The following PTK7 variants were observed in gnomAD, a reference collection of about 807,000 sequenced individuals.
PTK7 encodes protein tyrosine kinase 7 (inactive), also known as inactive tyrosine-protein kinase 7.
Under a neutral mutation model 116.6 loss-of-function variants are expected in PTK7, and 39 were observed. That is an observed-to-expected ratio of 0.33 (90% CI 0.26 to 0.44). The LOEUF (loss-of-function observed/expected upper bound fraction) is 0.44. Ranked by LOEUF, PTK7 falls within the 20% of genes least tolerant of loss-of-function variation. The pLI is 1.00. For missense variants in PTK7, 1,169 were observed against 1,425.6 expected (o/e 0.82, Z 2.90); for synonymous variants, 546 against 563.6 (o/e 0.97, Z 0.44).
chr6:43,083,334 C>T (rs1221580908), intron 1 of PTK7, among the ~76,000 whole-genome samples: 3 of 152,238 alleles, frequency 2.0e-5, no homozygotes, highest in Non-Finnish European at 4.4e-5. Flanking sequence ...GAGCTGCCGC[C>T]TGCCCTTCTC....
chr6:43,155,692 GTATAA>G (rs1462682991), intron 17 of PTK7, among the ~76,000 whole-genome samples: 3 of 151,866 alleles, frequency 2.0e-5, no homozygotes, highest in South Asian at 2.1e-4. Flanking sequence ...CATATATAGT[GTATAA>G]TATAATATAT....
chr6:43,132,722 G>A, intron 7 of PTK7, 35 bp downstream of exon 7: 1 of 1,552,094 alleles, frequency 6.4e-7, no homozygotes, highest in Non-Finnish European at 8.7e-7. Context: ...AAGGAGAGGT[G>A]GAGGGGAACA....
intron 17 of PTK7, among the ~76,000 whole-genome samples, chr6:43,156,845 C>CGAG (rs1292606860): frequency 6.6e-6 from 1 of 151,644 alleles, no homozygotes; most frequent in East Asian, 1.9e-4. Context: ...TGCAGTGAGC[C>CGAG]GAGATCGCAC....
intron 1 of PTK7, among the ~76,000 whole-genome samples, chr6:43,094,452 G>A (rs1380071857): frequency 6.6e-6 from 1 of 151,624 alleles, no homozygotes; most frequent in Non-Finnish European, 1.5e-5. Flanking sequence ...CCTTTTGTAT[G>A]AATATCAAAA....
At chr6:43,126,668 G>C (rs1337786299) in intron 1 of PTK7, among the ~76,000 whole-genome samples, 1 of 152,214 alleles carries the variant, frequency 6.6e-6, no homozygotes, top group Non-Finnish European at 1.5e-5. Flanking sequence ...TCCTGGCTCT[G>C]CCACATATGA....
chr6:43,156,251 AAAAG>A (rs1434176151), intron 17 of PTK7, among the ~76,000 whole-genome samples: 3 of 149,538 alleles, frequency 2.0e-5, no homozygotes, highest in Admixed American at 6.7e-5. Context: ...AAAAAAAAAA[AAAAG>A]AATTAAAATA....
At chr6:43,136,104 C>T (rs1040200577) in intron 7 of PTK7, among the ~76,000 whole-genome samples, 4 of 151,810 alleles carry the variant, frequency 2.6e-5, no homozygotes, top group Admixed American at 6.6e-5. Context: ...TGCAGTGAGC[C>T]GAGATTGCGC....
At chr6:43,125,216 C>T (rs1769218261) in intron 1 of PTK7, among the ~76,000 whole-genome samples, 1 of 152,182 alleles carries the variant, frequency 6.6e-6, no homozygotes, top group South Asian at 2.1e-4. Context: ...AAGTCTGTCC[C>T]AGCCAAGCAC....
rs377632772 is a variant in PTK7, at chr6:43,141,639, C to T, written c.1619-29C>T. 1 of 1,609,292 alleles carries T rather than the reference C, an allele frequency of 6.2e-7. No individual in the cohort carries two copies. Among genetic ancestry groups the T allele is most frequent in the East Asian group, 2.2e-5 (1 of 44,782 alleles). ...AGCTGTCTGTGTAACCCTGATCCTT[C>T]CCATAATTTCCCTTTGTTACCCCTG... is the stretch of plus-strand genomic sequence containing the variant. On this transcript the variant is annotated intron_variant, in intron 10 of 19. Coordinates refer to ENST00000230419, the MANE Select transcript of PTK7 (RefSeq NM_002821.5). This position sits in a 1 kb window ranked among gnomAD's most constrained non-coding sequence, Gnocchi z 4.9.
Position 43,113,432 on chromosome 6 carries a change from CAA to C in PTK7, c.80-15535_80-15534del, listed in dbSNP as rs374911644. Among the ~76,000 whole-genome samples the C allele has an allele frequency of 2.8e-5, 4 of 144,032 alleles. No homozygotes were observed. In the East Asian group the frequency reaches 8.0e-4, roughly 29 times the overall value. 94.5% of individuals were successfully genotyped at this position (144,032 alleles called of 152,430 possible). A position where few individuals can be genotyped will look rare whatever the true frequency, so the allele number is the denominator to read the frequency against. On this transcript the variant is annotated intron_variant, in intron 1 of 19. Transcript: ENST00000230419. ...TGGGTGACAGAGCGGTACTCCATCT[CAA>C]AAAAAAAAAGTGTTTTCCTTTTCCC...
intron 7 of PTK7, 48 bp downstream of exon 7, chr6:43,132,735 G>C: frequency 6.4e-7 from 1 of 1,551,000 alleles, no homozygotes; most frequent in Non-Finnish European, 8.7e-7. Context: ...GGGGAACACA[G>C]GTCTGGGTGT....
At chr6:43,137,491 AG>A (rs1382928916) in intron 7 of PTK7, among the ~76,000 whole-genome samples, 30 of 152,232 alleles carry the variant, frequency 2.0e-4, no homozygotes, top group African/African-American at 7.2e-4. Context: ...GGGGGAAGTC[AG>A]GTGTTCTCTT....
At chr6:43,138,236 A>AGT (rs1770162972) in intron 7 of PTK7, among the ~76,000 whole-genome samples, 1 of 151,438 alleles carries the variant, frequency 6.6e-6, no homozygotes, top group Admixed American at 6.6e-5. Flanking sequence ...GCTAGAGTGC[A>AGT]GTGTCTTACA....
chr6:43,090,581 T>C (rs867139896), intron 1 of PTK7, among the ~76,000 whole-genome samples: 13 of 152,166 alleles, frequency 8.5e-5, no homozygotes, highest in African/African-American at 3.1e-4. Flanking sequence ...TAGCCAGGTC[T>C]CCAGTGGAGG....
intron 1 of PTK7, among the ~76,000 whole-genome samples, chr6:43,106,370 C>T (rs959897643): frequency 2.7e-5 from 4 of 149,964 alleles, no homozygotes; most frequent in Non-Finnish European, 5.9e-5. Context: ...TGCCCTGGCA[C>T]AATCACAGCT....
At chr6:43,140,068 C>T (rs1770299601) in intron 10 of PTK7, among the ~76,000 whole-genome samples, 2 of 151,608 alleles carry the variant, frequency 1.3e-5, no homozygotes, top group African/African-American at 4.8e-5. Flanking sequence ...GGGCCGAGAT[C>T]ATGCCATTGC....
chr6:43,083,473 G>A (rs185791949), intron 1 of PTK7, among the ~76,000 whole-genome samples: 166 of 152,376 alleles, frequency 1.1e-3, no homozygotes, highest in African/African-American at 3.8e-3. Context: ...TGGCGCTTTG[G>A]TGGAGCTGGC....
rs59689086 is a variant in PTK7 at position 43,152,734 on chromosome 6, T to TTTATGTTATGTTATGTTATGTTATG, written c.2722-6046_2722-6022dup. On this transcript the variant is annotated intron_variant, in intron 17 of 19. Transcript: ENST00000230419. The stretch of plus-strand genomic sequence containing the variant: ...AACAGAAGAACTGAATTTTATTTTA[T>TTTATGTTATGTTATGTTATGTTATG]TTATGTTATGTTATGTTATGTTATG... Among the ~76,000 whole-genome samples the TTTATGTTATGTTATGTTATGTTATG allele has an allele frequency of 5.7e-4, 82 of 144,060 alleles. 1 individual carries two copies. Among genetic ancestry groups the TTTATGTTATGTTATGTTATGTTATG allele is most frequent in the Admixed American group, 1.2e-3 (17 of 14,074 alleles). The allele number at this position is 144,060 out of a possible 152,430, so 94.5% of individuals were successfully genotyped here.
intron 17 of PTK7, among the ~76,000 whole-genome samples, chr6:43,158,524 T>C (rs1771649843): frequency 1.3e-5 from 2 of 152,130 alleles, no homozygotes; most frequent in South Asian, 4.1e-4. Flanking sequence ...ACTGGACAAG[T>C]GGTTACTATG....
Sources: gnomAD v4.1 joint callset for allele counts (sites outside exome capture counted in the v4.1 genomes callset) on GRCh38, gnomAD v4.1.1 for gene constraint, Gnocchi (gnomAD v3.1) non-coding constraint, MANE v1.5 for transcripts, NCBI Gene and HGNC (gene_info 2026-07-23, HGNC 2026-07-21) for gene names.